WNK2: variants seen among roughly 807,000 people sequenced by gnomAD.
The protein encoded by WNK2 is WNK lysine deficient protein kinase 2.
WNK2 carries 67 observed loss-of-function variants against 192.1 expected under a neutral mutation model. The observed-to-expected ratio is 0.35, with a 90% confidence interval of 0.29 to 0.43. The LOEUF is 0.43. Ranked by LOEUF, WNK2 falls within the 20% of genes least tolerant of loss-of-function variation. The pLI is 1.00. For missense variants in WNK2, 2,698 were observed against 3,089.7 expected (o/e 0.87, Z 3.01); for synonymous variants, 1,439 against 1,393.9 (o/e 1.03, Z -0.72).
intron 7 of WNK2, among the ~76,000 whole-genome samples, chr9:93,241,067 C>T (rs762019324): frequency 1.6e-4 from 24 of 152,200 alleles, no homozygotes; most frequent in African/African-American, 2.9e-4. Flanking sequence ...GGGCAGTGGA[C>T]GCCAGAGAGG....
chr9:93,300,271 C>T, intron 26 of WNK2, 122 bp downstream of exon 26: 1 of 797,050 alleles, frequency 1.3e-6, no homozygotes, highest in Non-Finnish European at 2.0e-6. Context: ...CCATCGAAGT[C>T]ACCTATTTAA....
chr9:93,218,518 G>C (rs996707500), intron 2 of WNK2, among the ~76,000 whole-genome samples: 7 of 152,194 alleles, frequency 4.6e-5, no homozygotes, highest in Admixed American at 2.0e-4. Flanking sequence ...AGTTTTTGTG[G>C]TGGGATGGCC....
At chr9:93,277,988 G>C (rs1847198617) in intron 19 of WNK2, among the ~76,000 whole-genome samples, 1 of 152,120 alleles carries the variant, frequency 6.6e-6, no homozygotes. Context: ...TGGAATAATA[G>C]TCTCTAGATT....
intron 19 of WNK2, among the ~76,000 whole-genome samples, chr9:93,286,264 T>TAGCCCCCAGACAGTTCTCTACCC (rs1399201066): frequency 6.6e-4 from 101 of 152,268 alleles, no homozygotes; most frequent in Non-Finnish European, 1.2e-3. Flanking sequence ...GTAGTACAGA[T>TAGCCCCCAGACAGTTCTCTACCC]AGCCCCCAGA....
chr9:93,259,225 G>A lies in WNK2; in HGVS notation c.2677G>A (p.Gly893Ser), dbSNP rs2132861922. 2 of 1,613,182 alleles carry A rather than the reference G, an allele frequency of 1.2e-6. No homozygotes were observed. The highest frequency in any genetic ancestry group is 1.7e-6 in the Non-Finnish European group (2 of 1,179,756). Reference sequence around the variant, plus strand: ...CCCCCTGCTGGCCGTAGCCCCACCGGGCGTGGCTGCCCTGTCCATTCATTC... The same window carrying A: ...CCCCCTGCTGGCCGTAGCCCCACCGAGCGTGGCTGCCCTGTCCATTCATTC... ...TIPLLAVAPP[G>S]VAALSIHSAV... The change falls in exon 12 of 30, where the codon GGC becomes AGC. Residue 893 changes from glycine to serine, a missense_variant. Physicochemically the swap from Gly to Ser is moderately conservative, Grantham distance 56. Coordinates refer to ENST00000427277, the MANE Select transcript of WNK2 (RefSeq NM_006648.4). This position sits in a 1 kb window ranked among gnomAD's most constrained non-coding sequence, Gnocchi z 4.8.
Position 93,229,274 on chromosome 9 carries a change from T to A in WNK2, c.682-422T>A, listed in dbSNP as rs573794740. On this transcript the variant is annotated intron_variant, in intron 2 of 29. Transcript: ENST00000427277. The surrounding 1 kb of genome is among the most constrained non-coding windows in gnomAD (Gnocchi z 4.9). ...CTCAGTCACCTGTCCACGTCTCCTC[T>A]GTTCTAATCCACTGGGCCCTGAGTA... is the stretch of plus-strand genomic sequence containing the variant. 5.4e-4 allele frequency among the ~76,000 whole-genome samples: 83 copies of A among 152,324 alleles called. No homozygotes were observed. Among genetic ancestry groups the A allele is most frequent in the Non-Finnish European group, 9.8e-4 (67 of 68,026 alleles).
At chr9:93,203,625 A>T (rs957360824) in intron 2 of WNK2, among the ~76,000 whole-genome samples, 2 of 152,128 alleles carry the variant, frequency 1.3e-5, no homozygotes, top group Non-Finnish European at 2.9e-5. Context: ...TAAGTTAAGT[A>T]TCTTGAGACT....
chr9:93,235,503 G>A (rs892098928), intron 5 of WNK2, among the ~76,000 whole-genome samples: 1 of 152,260 alleles, frequency 6.6e-6, no homozygotes, highest in African/African-American at 2.4e-5. Flanking sequence ...CTGTCGCTGT[G>A]ATTTTTTTCT....
rs1457548292 is a variant in WNK2 at position 93,261,843 on chromosome 9, T to C, written c.3096T>C (p.Ala1032=). Residue 1032 remains alanine, a synonymous_variant, in exon 13 of 30, where the codon GCT becomes GCC. Transcript: ENST00000427277. ...TGCTTGGCCACCCAGCTCCCTATGCTGTGGACGTCGCCGCTCAGGTCCCCA... is the reference window on the plus strand; with the variant it reads ...TGCTTGGCCACCCAGCTCCCTATGCCGTGGACGTCGCCGCTCAGGTCCCCA... ...QILLGHPAPY[A]VDVAAQVPTV... 2 of 1,597,502 alleles carry C rather than the reference T, an allele frequency of 1.3e-6. No individual in the cohort carries two copies. Among genetic ancestry groups the C allele is most frequent in the Non-Finnish European group, 8.5e-7 (1 of 1,178,472 alleles).
chr9:93,189,767 A>G (rs1564258674), intron 2 of WNK2, among the ~76,000 whole-genome samples: 1 of 152,230 alleles, frequency 6.6e-6, no homozygotes, highest in Non-Finnish European at 1.5e-5. Flanking sequence ...GGCGTTCTGC[A>G]TGTCATGGGC....
At chr9:93,318,325 C>T (rs752296557) in intron 29 of WNK2, 12 of 1,563,958 alleles carry the variant, frequency 7.7e-6, no homozygotes, top group Non-Finnish European at 1.0e-5. Flanking sequence ...GAATTAGCTA[C>T]CTTAAGTATT....
chr9:93,242,570 C>A (rs1362744286), intron 7 of WNK2, among the ~76,000 whole-genome samples: 1 of 152,252 alleles, frequency 6.6e-6, no homozygotes, highest in Non-Finnish European at 1.5e-5. Flanking sequence ...TTGCAAATAG[C>A]AAGTGCCGAG....
intron 5 of WNK2, among the ~76,000 whole-genome samples, chr9:93,236,708 C>T (rs10821094): frequency 0.35 from 53,112 of 152,074 alleles, 10,232 homozygotes; most frequent in African/African-American, 0.52. Context: ...GGCTGCCACC[C>T]GCACCCCCCC....
At chr9:93,306,572 C>T in intron 26 of WNK2, 1 of 617,168 alleles carries the variant, frequency 1.6e-6, no homozygotes, top group East Asian at 2.8e-5. Flanking sequence ...GCACCTCTGC[C>T]CCCTCGGCGA....
intron 7 of WNK2, among the ~76,000 whole-genome samples, chr9:93,242,090 C>T (rs1840871008): frequency 6.6e-6 from 1 of 152,192 alleles, no homozygotes; most frequent in African/African-American, 2.4e-5. Flanking sequence ...CCTCCTCAGG[C>T]TGCCAGTGCC....
At chr9:93,293,249 G>T in intron 23 of WNK2, 76 bp downstream of exon 23, 1 of 1,359,664 alleles carries the variant, frequency 7.4e-7, no homozygotes, top group Non-Finnish European at 9.5e-7. Context: ...GGGAACCCTG[G>T]TGCCGGGGCT....
intron 26 of WNK2, 194 bp downstream of exon 26, chr9:93,300,343 A>G (rs1851380078): frequency 3.8e-6 from 2 of 529,722 alleles, no homozygotes; most frequent in Admixed American, 3.3e-5. Flanking sequence ...CCTACCCCCA[A>G]GCCCCACACA....
rs1408643787 is a variant in WNK2, at chr9:93,253,101, C to T, written c.2034+19C>T. On this transcript the variant is annotated intron_variant, in intron 9 of 29. Coordinates refer to ENST00000427277, the MANE Select transcript of WNK2 (RefSeq NM_006648.4). ...GGCTGCAGTGAGTCAGAGCATCACT[C>T]CCACCCCCTTCCCCATCCCCATTAC... 7.2e-7 allele frequency: 1 copy of T among 1,383,364 alleles called. No homozygotes were observed. The highest frequency in any genetic ancestry group is 9.3e-7 in the Non-Finnish European group (1 of 1,069,798). 85.7% of individuals were successfully genotyped at this position (1,383,364 alleles called of 1,614,324 possible).
At chr9:93,313,726 ATTTG>A (rs1170243187) in intron 28 of WNK2, among the ~76,000 whole-genome samples, 3 of 152,150 alleles carry the variant, frequency 2.0e-5, no homozygotes, top group Non-Finnish European at 4.4e-5. Flanking sequence ...TTAAAAGTTG[ATTTG>A]TTTAACTTTT....
Sources: gnomAD v4.1 joint callset for allele counts (sites outside exome capture counted in the v4.1 genomes callset) on GRCh38, gnomAD v4.1.1 for gene constraint, Gnocchi (gnomAD v3.1) non-coding constraint, MANE v1.5 for transcripts, NCBI Gene and HGNC (gene_info 2026-07-23, HGNC 2026-07-21) for gene names.